The following ST3GAL3 variants were observed in gnomAD, a reference collection of about 807,000 sequenced individuals.
The protein encoded by ST3GAL3 is CMP-N-acetylneuraminate-beta-1,4-galactoside alpha-2,3-sialyltransferase.
ST3GAL3 carries 21 observed loss-of-function variants against 50.1 expected under a neutral mutation model. The ratio of observed to expected loss-of-function variants is 0.42; its 90% CI spans 0.30 to 0.60. The LOEUF is 0.60. Ranked by LOEUF, ST3GAL3 falls within the 20% of genes least tolerant of loss-of-function variation. The pLI, the probability that ST3GAL3 is intolerant of heterozygous loss-of-function variation, is 0.19. For missense variants in ST3GAL3, 353 were observed against 489.4 expected, an observed-to-expected ratio of 0.72 and a Z score of 2.63; for synonymous variants, 183 against 190.0, an observed-to-expected ratio of 0.96 and a Z score of 0.30.
At chr1:43,751,814 A>G (rs981839630) in intron 2 of ST3GAL3, among the ~76,000 whole-genome samples, 1 of 152,052 alleles carries the variant, frequency 6.6e-6, no homozygotes. Flanking sequence ...GTAATTGGTT[A>G]CATTTTTTTT....
chr1:43,863,454 A>G (rs1195033685), intron 5 of ST3GAL3, among the ~76,000 whole-genome samples: 1 of 152,214 alleles, frequency 6.6e-6, no homozygotes, highest in Non-Finnish European at 1.5e-5. Context: ...AACAGAAATG[A>G]CATCTGAAAA....
intron 2 of ST3GAL3, among the ~76,000 whole-genome samples, chr1:43,780,624 A>T (rs917743311): frequency 6.8e-6 from 1 of 146,992 alleles, no homozygotes; most frequent in African/African-American, 2.4e-5. Context: ...TTTTTGTTCT[A>T]TATTGTGAGA....
chr1:43,744,026 A>G (rs1158534873), intron 2 of ST3GAL3, among the ~76,000 whole-genome samples: 1 of 152,232 alleles, frequency 6.6e-6, no homozygotes, highest in Admixed American at 6.5e-5. Context: ...GCTTATCTTT[A>G]TATTCCAGTA....
intron 9 of ST3GAL3, among the ~76,000 whole-genome samples, chr1:43,907,137 G>C (rs775198086): frequency 2.0e-4 from 31 of 152,182 alleles, no homozygotes; most frequent in Non-Finnish European, 3.8e-4. Context: ...AACCCTACAA[G>C]GCAGATACTA....
intron 11 of ST3GAL3, chr1:43,922,554 A>G (rs1447560433): frequency 6.6e-6 from 1 of 151,736 alleles, no homozygotes; most frequent in East Asian, 1.9e-4. Flanking sequence ...TAATCCCCGC[A>G]CTTTGGGAGG....
At chr1:43,906,446 C>T (rs1222741349) in intron 9 of ST3GAL3, among the ~76,000 whole-genome samples, 4 of 132,364 alleles carry the variant, frequency 3.0e-5, no homozygotes, top group African/African-American at 5.8e-5. Context: ...CCCCCTCCTC[C>T]TCCTGCTCCT....
At chr1:43,924,009 A>G (rs59914650) in intron 11 of ST3GAL3, among the ~76,000 whole-genome samples, 6,782 of 152,062 alleles carry the variant, frequency 0.045, 187 homozygotes, top group East Asian at 0.13. Flanking sequence ...ATTCCATTAC[A>G]TTGGGGGTTA....
At chr1:43,752,833 A>C (rs1384601637) in intron 2 of ST3GAL3, among the ~76,000 whole-genome samples, 3 of 152,062 alleles carry the variant, frequency 2.0e-5, no homozygotes, top group Non-Finnish European at 4.4e-5. Flanking sequence ...AAGGCAAAAA[A>C]CCTCTTGTTC....
intron 5 of ST3GAL3, chr1:43,858,070 G>A: frequency 8.1e-7 from 1 of 1,235,328 alleles, no homozygotes; most frequent in South Asian, 1.3e-5. Context: ...TTTTTGAAGT[G>A]AATAGGGCTG....
At chr1:43,835,972 C>T (rs985092595) in intron 4 of ST3GAL3, among the ~76,000 whole-genome samples, 1 of 152,306 alleles carries the variant, frequency 6.6e-6, no homozygotes, top group African/African-American at 2.4e-5. Flanking sequence ...CCTCCGTGAC[C>T]GTGTTGGTGG....
At position 43,789,212 on chromosome 1, in the gene ST3GAL3, A is replaced by G. The variant is rs147537871; in HGVS notation, c.119-2890A>G. Reference sequence around the variant, plus strand: ...TAGAAAGGATGGATGGAAATGGGCTATGTTGGAGGCAGAGGTGTGTTTTGG... The same window carrying G: ...TAGAAAGGATGGATGGAAATGGGCTGTGTTGGAGGCAGAGGTGTGTTTTGG... On this transcript the variant is annotated intron_variant, in intron 2 of 11. Coordinates refer to ENST00000347631, the MANE Select transcript of ST3GAL3 (RefSeq NM_006279.5). Among the ~76,000 whole-genome samples, 128 of 152,268 alleles carry G rather than the reference A, an allele frequency of 8.4e-4. 1 individual carries two copies. Among genetic ancestry groups the G allele is most frequent in the Admixed American group, 5.6e-3 (85 of 15,300 alleles).
rs550883057 is a variant in ST3GAL3, at chr1:43,914,699, C to A, written c.745-5705C>A. ...GTGCCCAATCCTGGTTCTCCCTGTT[C>A]CTCCCGAGCAGCCCCTGTGCTTTCT... On this transcript the variant is annotated intron_variant, in intron 9 of 11. Transcript: ENST00000347631. 10 of 152,550 alleles carry A rather than the reference C, an allele frequency of 6.6e-5. No homozygotes were observed. The East Asian group carries it at 1.7e-3, about 26-fold the overall frequency. The allele number at this position is 152,550 out of a possible 1,614,324, so 9.4% of individuals were successfully genotyped here.
chr1:43,927,336 A>G (rs72684771), intron 11 of ST3GAL3, among the ~76,000 whole-genome samples: 52 of 152,298 alleles, frequency 3.4e-4, no homozygotes, highest in Non-Finnish European at 6.2e-4. Flanking sequence ...AAAAACAAAA[A>G]CCAAACCAAA....
At chr1:43,854,139 C>T (rs550483662) in intron 5 of ST3GAL3, among the ~76,000 whole-genome samples, 1 of 152,330 alleles carries the variant, frequency 6.6e-6, no homozygotes, top group East Asian at 1.9e-4. Flanking sequence ...CCATCTACTT[C>T]TCTACTTCTG....
intron 2 of ST3GAL3, among the ~76,000 whole-genome samples, chr1:43,777,169 AT>A (rs1277444464): frequency 6.6e-6 from 1 of 152,190 alleles, no homozygotes; most frequent in Non-Finnish European, 1.5e-5. Context: ...TGAATACTTA[AT>A]TACACATCTC....
chr1:43,716,062 A>C (rs1460205245), intron 1 of ST3GAL3, among the ~76,000 whole-genome samples: 2 of 152,214 alleles, frequency 1.3e-5, no homozygotes, highest in Non-Finnish European at 2.9e-5. Context: ...TTCTGGTAAC[A>C]ACATAAGAAT....
intron 4 of ST3GAL3, among the ~76,000 whole-genome samples, chr1:43,815,780 T>A (rs959555999): frequency 4.6e-5 from 7 of 152,206 alleles, no homozygotes; most frequent in African/African-American, 1.7e-4. Context: ...ATTGAGTATC[T>A]AATCCTTCCA....
intron 9 of ST3GAL3, chr1:43,918,963 T>C (rs1557549931): frequency 1.3e-5 from 2 of 152,038 alleles, no homozygotes. Context: ...AAGATCTTTT[T>C]GTTATATCTG....
chr1:43,918,040 CAT>C (rs1411720181), intron 9 of ST3GAL3, among the ~76,000 whole-genome samples: 1 of 150,450 alleles, frequency 6.6e-6, no homozygotes, highest in Non-Finnish European at 1.5e-5. Flanking sequence ...TCAGTCAAAA[CAT>C]GTCTTTTTAT....
Sources: gnomAD v4.1 joint callset for allele counts (sites outside exome capture counted in the v4.1 genomes callset) on GRCh38, gnomAD v4.1.1 for gene constraint, MANE v1.5 for transcripts, NCBI Gene and HGNC (gene_info 2026-07-23, HGNC 2026-07-21) for gene names.